RABGAP1L: variants seen among roughly 807,000 people sequenced by gnomAD.
The protein encoded by RABGAP1L is RAB GTPase activating protein 1 like, also known as rab GTPase-activating protein 1-like.
Under a neutral mutation model 137.7 loss-of-function variants are expected in RABGAP1L, and 63 were observed. The observed-to-expected ratio is 0.46, with a 90% CI of 0.37 to 0.56. The LOEUF is 0.56. RABGAP1L is among the 20% of genes least tolerant of loss of function. The probability of loss-of-function intolerance (pLI) is 0.00; values close to 1 mark genes in which losing one functional copy is unlikely to be tolerated. For synonymous variants in RABGAP1L, 431 were observed against 433.7 expected, an observed-to-expected ratio of 0.99 and a Z score of 0.08; for missense variants, 1,095 against 1,244.0, an observed-to-expected ratio of 0.88 and a Z score of 1.80.
At chr1:174,964,261 A>T (rs757055935) in intron 20 of RABGAP1L, among the ~76,000 whole-genome samples, 1 of 152,198 alleles carries the variant, frequency 6.6e-6, no homozygotes. Context: ...CCTGACCCTT[A>T]AAAGTCTTTA....
intron 13 of RABGAP1L, among the ~76,000 whole-genome samples, chr1:174,435,063 C>T (rs1653096813): frequency 6.6e-6 from 1 of 152,094 alleles, no homozygotes; most frequent in Non-Finnish European, 1.5e-5. Context: ...GCTCTGTCAC[C>T]TAGGCTGGAG....
At chr1:174,732,833 G>C (rs1318244360) in intron 17 of RABGAP1L, among the ~76,000 whole-genome samples, 1 of 152,094 alleles carries the variant, frequency 6.6e-6, no homozygotes, top group Non-Finnish European at 1.5e-5. Flanking sequence ...CCAAAGGCAC[G>C]AATGGATGCA....
chr1:174,653,989 GA>G (rs1675770088), intron 14 of RABGAP1L, among the ~76,000 whole-genome samples: 1 of 152,164 alleles, frequency 6.6e-6, no homozygotes, highest in African/African-American at 2.4e-5. Flanking sequence ...GGTTGTAAGA[GA>G]AAATAGGGAA....
intron 11 of RABGAP1L, among the ~76,000 whole-genome samples, chr1:174,349,302 G>A (rs1277942490): frequency 9.8e-5 from 12 of 122,314 alleles, no homozygotes; most frequent in East Asian, 4.9e-4. Context: ...CAGTAGGGGC[G>A]GCCGGGCAGA....
intron 12 of RABGAP1L, among the ~76,000 whole-genome samples, chr1:174,379,875 A>AG (rs1431211922): frequency 3.0e-4 from 21 of 70,022 alleles, no homozygotes; most frequent in African/African-American, 1.2e-3. Flanking sequence ...CAGTTTTCAA[A>AG]GGGAATGCTT....
chr1:174,425,963 A>AAGTTTCTT (rs1491169079), intron 13 of RABGAP1L, among the ~76,000 whole-genome samples: 1 of 152,092 alleles, frequency 6.6e-6, no homozygotes, highest in Non-Finnish European at 1.5e-5. Context: ...ATTTATAAAT[A>AAGTTTCTT]AGTTTCTTCT....
chr1:174,276,057 T>A, intron 9 of RABGAP1L, 122 bp downstream of exon 9: 2 of 665,222 alleles, frequency 3.0e-6, no homozygotes, highest in Non-Finnish European at 5.0e-6. Context: ...ATTGAGAATT[T>A]GAGGTTCATT....
chr1:174,899,200 A>G (rs538379408), intron 19 of RABGAP1L, among the ~76,000 whole-genome samples: 1 of 145,140 alleles, frequency 6.9e-6, no homozygotes, highest in East Asian at 1.9e-4. Context: ...TCGGGAGAAA[A>G]CAAACAAACA....
chr1:174,760,256 GT>G (rs1279286367), intron 18 of RABGAP1L, among the ~76,000 whole-genome samples: 1 of 152,062 alleles, frequency 6.6e-6, no homozygotes, highest in Non-Finnish European at 1.5e-5. Context: ...TGTCATGGGG[GT>G]TTGGTATACA....
At chr1:174,815,542 T>C (rs1690308384) in intron 19 of RABGAP1L, among the ~76,000 whole-genome samples, 1 of 152,238 alleles carries the variant, frequency 6.6e-6, no homozygotes, top group African/African-American at 2.4e-5. Context: ...ATAATCACTT[T>C]CCTTTAATTT....
intron 11 of RABGAP1L, among the ~76,000 whole-genome samples, chr1:174,361,237 T>G (rs1460926925): frequency 1.3e-5 from 2 of 151,962 alleles, no homozygotes; most frequent in Non-Finnish European, 2.9e-5. Flanking sequence ...TTTTTTTTTT[T>G]TTTGCTCAGA....
chr1:174,772,087 T>A (rs989551515), intron 18 of RABGAP1L, among the ~76,000 whole-genome samples: 1 of 151,916 alleles, frequency 6.6e-6, no homozygotes, highest in African/African-American at 2.4e-5. Context: ...TAATCCCAGC[T>A]ACTCGAGAGG....
chr1:174,936,971 A>ATTTTTT (rs909397955), intron 19 of RABGAP1L, among the ~76,000 whole-genome samples: 3,256 of 101,420 alleles, frequency 0.032, 401 homozygotes, highest in African/African-American at 0.11. Flanking sequence ...TATAAGATTA[A>ATTTTTT]TTTTTTTTTT....
intron 1 of RABGAP1L, among the ~76,000 whole-genome samples, chr1:174,184,363 G>A (rs1013239640): frequency 2.0e-5 from 3 of 152,090 alleles, no homozygotes; most frequent in Non-Finnish European, 2.9e-5. Flanking sequence ...ATATCCATGC[G>A]CAGGTTTTTG....
At chr1:174,754,192 A>T (rs913248175) in intron 18 of RABGAP1L, among the ~76,000 whole-genome samples, 1 of 152,178 alleles carries the variant, frequency 6.6e-6, no homozygotes, top group African/African-American at 2.4e-5. Context: ...AGAGAATTTT[A>T]CTAGTTAGAG....
intron 19 of RABGAP1L, among the ~76,000 whole-genome samples, chr1:174,830,233 C>T (rs1004706209): frequency 6.8e-6 from 1 of 146,970 alleles, no homozygotes; most frequent in African/African-American, 2.5e-5. Context: ...GAAGCCATTC[C>T]TGTAACAATC....
intron 13 of RABGAP1L, among the ~76,000 whole-genome samples, chr1:174,522,663 G>A (rs907429610): frequency 1.3e-5 from 2 of 152,214 alleles, no homozygotes; most frequent in Admixed American, 6.5e-5. Flanking sequence ...CAGTTCTGCA[G>A]GCTGAACAGG....
At chr1:174,726,477 T>C (rs1681993107) in intron 17 of RABGAP1L, among the ~76,000 whole-genome samples, 1 of 152,064 alleles carries the variant, frequency 6.6e-6, no homozygotes, top group South Asian at 2.1e-4. Flanking sequence ...TTGTTTTTGT[T>C]ATCAGCAAGG....
chr1:174,792,180 T>C (rs940429495), intron 18 of RABGAP1L, among the ~76,000 whole-genome samples: 3 of 152,354 alleles, frequency 2.0e-5, no homozygotes, highest in Non-Finnish European at 2.9e-5. Flanking sequence ...CTCAGTCTTT[T>C]CAACAGGATA....
Sources: gnomAD v4.1 joint callset for allele counts (sites outside exome capture counted in the v4.1 genomes callset) on GRCh38, gnomAD v4.1.1 for gene constraint, MANE v1.5 for transcripts, NCBI Gene and HGNC (gene_info 2026-07-23, HGNC 2026-07-21) for gene names.